Variants in IGDCC3 observed in about 807,000 individuals in gnomAD.
The protein encoded by IGDCC3 is immunoglobulin superfamily DCC subclass member 3.
Under a neutral mutation model 72.0 loss-of-function variants are expected in IGDCC3, and 47 were observed. The ratio of observed to expected loss-of-function variants is 0.65; its 90% CI spans 0.52 to 0.83. The LOEUF (loss-of-function observed/expected upper bound fraction) is 0.83. IGDCC3 is among the 40% of genes least tolerant of loss of function. The pLI is 0.00. For missense variants in IGDCC3, 1,038 were observed against 1,091.3 expected (o/e 0.95, Z 0.69); for synonymous variants, 477 against 472.8 (o/e 1.01, Z -0.11).
intron 2 of IGDCC3, among the ~76,000 whole-genome samples, chr15:65,358,698 GTC>G (rs2091241779): frequency 1.3e-5 from 2 of 151,888 alleles, no homozygotes; most frequent in Admixed American, 6.6e-5. Flanking sequence ...TTGAGACATG[GTC>G]TCTCTCTGTC....
intron 4 of IGDCC3, 21 bp downstream of exon 4, chr15:65,335,270 A>T (rs200206119): frequency 1.3e-6 from 2 of 1,592,802 alleles, no homozygotes; most frequent in Admixed American, 3.5e-5. Flanking sequence ...AGGTTGGGGG[A>T]AAGTGCTGAA....
rs1488279040 is a variant in IGDCC3 at position 65,329,214 on chromosome 15, C to G, written c.2206-66G>C. 1.9e-6 allele frequency: 3 copies of G among 1,545,848 alleles called. No individual in the cohort carries two copies. The highest frequency in any genetic ancestry group is 2.6e-6 in the Non-Finnish European group (3 of 1,151,140). The stretch of plus-strand genomic sequence containing the variant: ...CAGGGCGCCAGGCTCCAACTCACCC[C>G]ACTTGGGCCTTAGGGTCTCCAGGTC... On this transcript the variant is annotated intron_variant, in intron 13 of 13. Coordinates refer to ENST00000327987, the MANE Select transcript of IGDCC3 (RefSeq NM_004884.4). This position sits in a 1 kb window ranked among gnomAD's most constrained non-coding sequence, Gnocchi z 4.1.
At chr15:65,367,133 T>TA (rs2091292096) in intron 2 of IGDCC3, among the ~76,000 whole-genome samples, 1 of 152,002 alleles carries the variant, frequency 6.6e-6, no homozygotes, top group South Asian at 2.1e-4. Flanking sequence ...CGCTTGAGGA[T>TA]AGACGTTTCA....
chr15:65,352,663 T>A (rs1416746678), intron 2 of IGDCC3, among the ~76,000 whole-genome samples: 1 of 152,310 alleles, frequency 6.6e-6, no homozygotes, highest in South Asian at 2.1e-4. Context: ...TTTAAAAAAG[T>A]CTCATCTAAG....
Position 65,331,848 on chromosome 15 carries a change from C to A in IGDCC3, c.1148+93G>T, listed in dbSNP as rs2090980614. ...CTCCCAATTCTGTGCTCTTCCCTGG[C>A]AGGAGGTGTACAGCCTACTCAGGCC... On this transcript the variant is annotated intron_variant, in intron 7 of 13. Coordinates refer to ENST00000327987, the MANE Select transcript of IGDCC3 (RefSeq NM_004884.4). The A allele has an allele frequency of 2.1e-6, 3 of 1,458,284 alleles. No homozygotes were observed. The South Asian group carries it at 3.9e-5, about 19-fold the overall frequency. The allele number at this position is 1,458,284 out of a possible 1,614,324, so 90.3% of individuals were successfully genotyped here.
At chr15:65,367,847 A>G (rs1160176456) in intron 2 of IGDCC3, among the ~76,000 whole-genome samples, 2 of 152,002 alleles carry the variant, frequency 1.3e-5, no homozygotes, top group Non-Finnish European at 2.9e-5. Context: ...ATGGACCCCA[A>G]CGCTAGGCCC....
At chr15:65,355,489 G>A (rs1446234106) in intron 2 of IGDCC3, among the ~76,000 whole-genome samples, 3 of 150,772 alleles carry the variant, frequency 2.0e-5, no homozygotes, top group Non-Finnish European at 4.4e-5. Context: ...CCCAGGGCGC[G>A]GCAGGGGCGG....
chr15:65,354,126 G>A (rs1041765533), intron 2 of IGDCC3, among the ~76,000 whole-genome samples: 12 of 152,106 alleles, frequency 7.9e-5, no homozygotes, highest in East Asian at 1.9e-4. Context: ...GGCTGGTCTC[G>A]AACTCCTGAC....
In IGDCC3 at chr15:65,332,033, T is replaced by G. The variant is rs2090982894; in HGVS notation, c.1056A>C (p.Gln352His). The change falls in exon 7 of 14, where the codon CAA becomes CAC. Residue 352 changes from glutamine (Q) to histidine (H), a missense_variant. Coordinates refer to ENST00000327987, the MANE Select transcript of IGDCC3 (RefSeq NM_004884.4). ...PAGTTAMFTCQAQGEPPPHVT... is the reference protein window; with the variant it reads ...PAGTTAMFTCHAQGEPPPHVT... ...CATGAGGCGGTGGCTCACCCTGGGC[T>G]TGGCAGGTGAACATGGCTGTGGTCC... 6.2e-7 allele frequency: 1 copy of G among 1,614,090 alleles called. No homozygotes were observed. The highest frequency in any genetic ancestry group is 8.5e-7 in the Non-Finnish European group (1 of 1,180,028).
In IGDCC3 at chr15:65,341,041, T is replaced by G. The variant is rs576202410; in HGVS notation, c.410-5085A>C. Among the ~76,000 whole-genome samples the G allele has an allele frequency of 2.5e-4, 38 of 152,306 alleles. No individual in the cohort carries two copies. The South Asian group carries it at 7.7e-3, about 31-fold the overall frequency. ...ACCATGCCCGGCCCACATTTTCCAA[T>G]ATAGTGGCCAGCTATTAAGCACCTG... On this transcript the variant is annotated intron_variant, in intron 2 of 13. Transcript: ENST00000327987.
chr15:65,358,935 T>G (rs650494), intron 2 of IGDCC3, among the ~76,000 whole-genome samples: 64,749 of 152,058 alleles, frequency 0.43, 13,975 homozygotes, highest in East Asian at 0.48. Flanking sequence ...AAACAATTCT[T>G]GTGCCTCAGC....
At chr15:65,363,768 G>C (rs2091274801) in intron 2 of IGDCC3, among the ~76,000 whole-genome samples, 1 of 152,126 alleles carries the variant, frequency 6.6e-6, no homozygotes, top group Non-Finnish European at 1.5e-5. Context: ...TGACAGATGT[G>C]GAGCAATCAG....
Position 65,375,157 on chromosome 15 carries a change from A to G in IGDCC3, c.349T>C (p.Cys117Arg), listed in dbSNP as rs776859245. 1.9e-6 allele frequency: 3 copies of G among 1,613,904 alleles called. No individual in the cohort carries two copies. Among genetic ancestry groups the G allele is most frequent in the African/African-American group, 1.3e-5 (1 of 74,884 alleles). The change falls in exon 2 of 14, where the codon TGT becomes CGT. Residue 117 changes from cysteine (C) to arginine (R), a missense_variant. Coordinates refer to ENST00000327987, the MANE Select transcript of IGDCC3 (RefSeq NM_004884.4). Reference protein sequence around the residue: ...GSPSDEGDYECVAQNRFGLVV... With the variant: ...GSPSDEGDYERVAQNRFGLVV... Reference sequence around the variant, plus strand: ...AGCCCAAAGCGGTTCTGGGCCACACACTCATAGTCACCTTCATCCGAAGGG... The same window carrying G: ...AGCCCAAAGCGGTTCTGGGCCACACGCTCATAGTCACCTTCATCCGAAGGG...
At chr15:65,362,755 G>C (rs1428342284) in intron 2 of IGDCC3, among the ~76,000 whole-genome samples, 2 of 151,810 alleles carry the variant, frequency 1.3e-5, no homozygotes, top group Non-Finnish European at 2.9e-5. Flanking sequence ...TCTGCATCTT[G>C]CACTGGGTCC....
At position 65,377,973 on chromosome 15, in the gene IGDCC3, G is replaced by A. The variant is rs1428603346; in HGVS notation, c.-185C>T. On this transcript the variant is annotated 5_prime_UTR_variant, in exon 1 of 14. Transcript: ENST00000327987. This position sits in a 1 kb window ranked among gnomAD's most constrained non-coding sequence, Gnocchi z 4.9. ...GGGGCGCAGGGGGAGCGCCGCTTGCGCCATCTTGCACCCACCCGGGCGATC... is the reference window on the plus strand; with the variant it reads ...GGGGCGCAGGGGGAGCGCCGCTTGCACCATCTTGCACCCACCCGGGCGATC... 4 of 394,576 alleles carry A rather than the reference G, an allele frequency of 1.0e-5. No individual in the cohort carries two copies. Among genetic ancestry groups the A allele is most frequent in the Non-Finnish European group, 1.4e-5 (4 of 286,306 alleles). The allele number at this position is 394,576 out of a possible 1,614,324, so 24.4% of individuals were successfully genotyped here.
chr15:65,374,476 C>T (rs1443082301), intron 2 of IGDCC3, among the ~76,000 whole-genome samples: 1 of 152,216 alleles, frequency 6.6e-6, no homozygotes, highest in Non-Finnish European at 1.5e-5. Context: ...AGAGCTGAAA[C>T]ATCTTGCCTC....
At chr15:65,348,835 C>T (rs1567066139) in intron 2 of IGDCC3, among the ~76,000 whole-genome samples, 1 of 152,198 alleles carries the variant, frequency 6.6e-6, no homozygotes, top group Non-Finnish European at 1.5e-5. Flanking sequence ...GCACTCTTTG[C>T]TGATGGCTGT....
At chr15:65,355,427 G>A (rs79331088) in intron 2 of IGDCC3, among the ~76,000 whole-genome samples, 1,757 of 152,024 alleles carry the variant, frequency 0.012, 50 homozygotes, top group East Asian at 0.11. Flanking sequence ...AGCGTGATGG[G>A]GAGCGACAAC....
rs1411771751 is a variant in IGDCC3 at position 65,329,743 on chromosome 15, C to G, written c.1980G>C (p.Leu660=). The G allele has an allele frequency of 6.2e-7, 1 of 1,614,146 alleles. No homozygotes were observed. The highest frequency in any genetic ancestry group is 8.5e-7 in the Non-Finnish European group (1 of 1,180,032). Residue 660 remains leucine, a synonymous_variant, in exon 12 of 14, where the codon CTG becomes CTC. Coordinates refer to ENST00000327987, the MANE Select transcript of IGDCC3 (RefSeq NM_004884.4). The surrounding 1 kb of genome is among the most constrained non-coding windows in gnomAD (Gnocchi z 4.1). The part of the protein sequence containing the change: ...TCIIFCVLFL[L]FGQRGRVLLC... ...GGACCCACCTGCCCCTTTGGCCGAACAGGAGGAAGAGGACACAGAAGATGA... is the reference window on the plus strand; with the variant it reads ...GGACCCACCTGCCCCTTTGGCCGAAGAGGAGGAAGAGGACACAGAAGATGA...
Sources: allele counts gnomAD v4.1 joint callset (sites outside exome capture counted in the v4.1 genomes callset), GRCh38; gene constraint gnomAD v4.1.1; non-coding constraint Gnocchi (gnomAD v3.1); transcripts MANE v1.5; gene names NCBI Gene and HGNC (gene_info 2026-07-23, HGNC 2026-07-21).